The following GLCE variants were observed in gnomAD, a reference collection of about 807,000 sequenced individuals.
GLCE encodes the protein glucuronic acid epimerase.
GLCE carries 19 observed loss-of-function variants against 47.9 expected under a neutral mutation model. That is an observed-to-expected ratio of 0.40 (90% CI 0.28 to 0.58). GLCE has a LOEUF of 0.58. GLCE is among the 20% of genes least tolerant of loss of function. The pLI is 0.48. For synonymous variants in GLCE, 245 were observed against 263.4 expected (o/e 0.93, Z 0.68); for missense variants, 556 against 743.3 (o/e 0.75, Z 2.93).
intron 1 of GLCE, among the ~76,000 whole-genome samples, chr15:69,169,677 A>C (rs1030483698): frequency 6.6e-6 from 1 of 151,820 alleles, no homozygotes; most frequent in Non-Finnish European, 1.5e-5. Context: ...GTTTGCTGAT[A>C]ATGATGGTTT....
intron 2 of GLCE, among the ~76,000 whole-genome samples, chr15:69,237,571 C>T (rs982014646): frequency 3.3e-5 from 5 of 151,826 alleles, no homozygotes; most frequent in South Asian, 2.1e-4. Flanking sequence ...GCACTCCAGC[C>T]CAGGTGACTG....
At chr15:69,176,365 A>G (rs1188641710) in intron 1 of GLCE, among the ~76,000 whole-genome samples, 1 of 151,618 alleles carries the variant, frequency 6.6e-6, no homozygotes, top group African/African-American at 2.4e-5. Flanking sequence ...CTGGGACTGC[A>G]GGTGGGCAAT....
intron 2 of GLCE, among the ~76,000 whole-genome samples, chr15:69,247,877 T>C (rs1373449790): frequency 6.6e-6 from 1 of 152,150 alleles, no homozygotes; most frequent in Non-Finnish European, 1.5e-5. Flanking sequence ...GTACAGTTAA[T>C]AGTACCCCAA....
rs2053158689 is a variant in GLCE, at chr15:69,270,909, A to G, written c.*1665A>G. The G allele has an allele frequency of 6.6e-6, 1 of 152,132 alleles. No individual in the cohort carries two copies. The highest frequency in any genetic ancestry group is 1.5e-5 in the Non-Finnish European group (1 of 68,026). 9.4% of individuals were successfully genotyped at this position (152,132 alleles called of 1,614,324 possible). On this transcript the variant is annotated 3_prime_UTR_variant, in exon 5 of 5. Coordinates refer to ENST00000261858, the MANE Select transcript of GLCE (RefSeq NM_015554.3). Reference sequence around the variant, plus strand: ...CTTACCCCTAGCTTTTGACCTTTGCATTTCATATATGTTAGATGTCTCAGC... The same window carrying G: ...CTTACCCCTAGCTTTTGACCTTTGCGTTTCATATATGTTAGATGTCTCAGC...
At chr15:69,192,236 G>C (rs1338910393) in intron 1 of GLCE, among the ~76,000 whole-genome samples, 1 of 151,436 alleles carries the variant, frequency 6.6e-6, no homozygotes, top group Non-Finnish European at 1.5e-5. Context: ...TTTTTTGGAG[G>C]GGTTATGTGT....
At chr15:69,175,728 T>G (rs917580124) in intron 1 of GLCE, among the ~76,000 whole-genome samples, 6 of 152,208 alleles carry the variant, frequency 3.9e-5, no homozygotes, top group Non-Finnish European at 8.8e-5. Context: ...CAGGGGAAGT[T>G]TGGGTCCATA....
chr15:69,261,492 A>G (rs1287762351), intron 4 of GLCE, among the ~76,000 whole-genome samples, 163 bp downstream of exon 4: 1 of 152,214 alleles, frequency 6.6e-6, no homozygotes, highest in Non-Finnish European at 1.5e-5. Flanking sequence ...TCTAAAAAAG[A>G]TACAGCTAAA....
chr15:69,271,725 TA>T lies in GLCE; in HGVS notation c.*2485del, dbSNP rs2053169350. On this transcript the variant is annotated 3_prime_UTR_variant, in exon 5 of 5. Transcript: ENST00000261858. ...GTTAAATCTATTGCTACTTCAGTTG[TA>T]AAACCAGCCAAAAGTTTCTGGATGA... 1 of 152,646 alleles carries T rather than the reference TA, an allele frequency of 6.6e-6. No homozygotes were observed. The highest frequency in any genetic ancestry group is 1.9e-4 in the East Asian group (1 of 5,192). The allele number at this position is 152,646 out of a possible 1,614,324, so 9.5% of individuals were successfully genotyped here.
Position 69,186,181 on chromosome 15 carries a change from A to G in GLCE, c.-104-24135A>G, listed in dbSNP as rs2051820711. On this transcript the variant is annotated intron_variant, in intron 1 of 4. Coordinates refer to ENST00000261858, the MANE Select transcript of GLCE (RefSeq NM_015554.3). Reference sequence around the variant, plus strand: ...TTTCTTGGGTTTTTAAAGAAGCCTCATGACATCAACATTCCTTCCTCCAGG... The same window carrying G: ...TTTCTTGGGTTTTTAAAGAAGCCTCGTGACATCAACATTCCTTCCTCCAGG... Among the ~76,000 whole-genome samples the G allele has an allele frequency of 2.6e-5, 4 of 152,092 alleles. No individual in the cohort carries two copies. In the South Asian group the frequency reaches 8.3e-4, roughly 32 times the overall value.
chr15:69,173,711 G>T (rs1418870070), intron 1 of GLCE, among the ~76,000 whole-genome samples: 1 of 152,002 alleles, frequency 6.6e-6, no homozygotes, highest in African/African-American at 2.4e-5. Context: ...TTTCTTCATT[G>T]GTTGTAATTC....
intron 2 of GLCE, among the ~76,000 whole-genome samples, chr15:69,215,095 T>C (rs1211241406): frequency 6.6e-6 from 1 of 152,186 alleles, no homozygotes; most frequent in African/African-American, 2.4e-5. Context: ...TTAATTTGTA[T>C]ACAGTAAAAT....
intron 2 of GLCE, among the ~76,000 whole-genome samples, chr15:69,215,996 A>G (rs913566997): frequency 1.3e-5 from 2 of 152,186 alleles, no homozygotes; most frequent in South Asian, 2.1e-4. Context: ...CTATTTAGCT[A>G]TGCTTTATAA....
At position 69,269,648 on chromosome 15, in the gene GLCE, G is replaced by A. The variant is rs2053138288; in HGVS notation, c.*404G>A. The A allele has an allele frequency of 6.2e-6, 1 of 162,206 alleles. No homozygotes were observed. The highest frequency in any genetic ancestry group is 1.3e-5 in the Non-Finnish European group (1 of 74,568). The allele number at this position is 162,206 out of a possible 1,614,324, so 10.0% of individuals were successfully genotyped here. On this transcript the variant is annotated 3_prime_UTR_variant, in exon 5 of 5. Transcript: ENST00000261858. Reference sequence around the variant, plus strand: ...GTGATTATTTATATTTATGTTGAAAGCGGACTTTAAAAAAAATAATGTGCT... The same window carrying A: ...GTGATTATTTATATTTATGTTGAAAACGGACTTTAAAAAAAATAATGTGCT...
At chr15:69,237,032 T>A (rs2052602112) in intron 2 of GLCE, among the ~76,000 whole-genome samples, 1 of 152,206 alleles carries the variant, frequency 6.6e-6, no homozygotes, top group Non-Finnish European at 1.5e-5. Flanking sequence ...GATATTACTC[T>A]TATGTATCTT....
intron 2 of GLCE, among the ~76,000 whole-genome samples, chr15:69,251,687 T>C (rs1327073084): frequency 6.6e-6 from 1 of 152,174 alleles, no homozygotes; most frequent in Non-Finnish European, 1.5e-5. Flanking sequence ...GAAGATTAGG[T>C]AAGTTTTTTG....
intron 2 of GLCE, among the ~76,000 whole-genome samples, chr15:69,249,015 A>C (rs2052797164): frequency 6.6e-6 from 1 of 152,186 alleles, no homozygotes; most frequent in Non-Finnish European, 1.5e-5. Context: ...AATATGTCAA[A>C]TGGTGATAAA....
chr15:69,181,358 A>G (rs1213980609), intron 1 of GLCE, among the ~76,000 whole-genome samples: 1 of 152,224 alleles, frequency 6.6e-6, no homozygotes, highest in Non-Finnish European at 1.5e-5. Flanking sequence ...GAGTAAGCAT[A>G]AAGAGGCGAA....
At chr15:69,246,542 C>G (rs892212620) in intron 2 of GLCE, among the ~76,000 whole-genome samples, 1 of 151,886 alleles carries the variant, frequency 6.6e-6, no homozygotes, top group Non-Finnish European at 1.5e-5. Context: ...ATAGTGAAAC[C>G]CTGTCTCTAC....
chr15:69,204,830 C>T (rs541140977), intron 1 of GLCE, among the ~76,000 whole-genome samples: 1 of 152,178 alleles, frequency 6.6e-6, no homozygotes, highest in East Asian at 1.9e-4. Flanking sequence ...GGGGAACTGA[C>T]ATTTAGACCA....
Sources: allele counts gnomAD v4.1 joint callset (sites outside exome capture counted in the v4.1 genomes callset), GRCh38; gene constraint gnomAD v4.1.1; transcripts MANE v1.5; gene names NCBI Gene and HGNC (gene_info 2026-07-23, HGNC 2026-07-21).